MAP4K3: variants seen among roughly 807,000 people sequenced by gnomAD.
MAP4K3 encodes MAPK/ERK kinase kinase kinase 3.
A neutral mutation model predicts 143.5 loss-of-function variants in MAP4K3; 94 were observed. The observed-to-expected ratio is 0.65, with a 90% CI of 0.55 to 0.78. The LOEUF (loss-of-function observed/expected upper bound fraction) is 0.78, where lower values mean the gene tolerates loss of function less well. Among genes scored for constraint, MAP4K3 ranks in the 30% least tolerant of loss-of-function variants. The probability of loss-of-function intolerance (pLI) is 0.00; values close to 1 mark genes in which losing one functional copy is unlikely to be tolerated. For missense variants in MAP4K3, 1,077 were observed against 1,068.1 expected, an observed-to-expected ratio of 1.01 and a Z score of -0.12; for synonymous variants, 416 against 347.2, an observed-to-expected ratio of 1.20 and a Z score of -2.20.
At chr2:39,394,757 T>C (rs1324149844) in intron 1 of MAP4K3, among the ~76,000 whole-genome samples, 2 of 152,226 alleles carry the variant, frequency 1.3e-5, no homozygotes, top group East Asian at 1.9e-4. Flanking sequence ...ATAGGCAGAA[T>C]GTGGTTATGA....
chr2:39,291,385 A>G (rs1285491717), intron 18 of MAP4K3, among the ~76,000 whole-genome samples: 3 of 152,218 alleles, frequency 2.0e-5, no homozygotes, highest in Non-Finnish European at 4.4e-5. Flanking sequence ...ATCAACTGAA[A>G]GGTAAATAAT....
chr2:39,310,456 G>A (rs6718000), intron 13 of MAP4K3, among the ~76,000 whole-genome samples: 5 of 152,136 alleles, frequency 3.3e-5, no homozygotes, highest in Non-Finnish European at 1.5e-5. Flanking sequence ...ATATTCTGTT[G>A]TGTATATATA....
intron 4 of MAP4K3, among the ~76,000 whole-genome samples, chr2:39,340,313 C>G (rs955130006): frequency 1.3e-5 from 2 of 152,020 alleles, no homozygotes; most frequent in African/African-American, 4.8e-5. Flanking sequence ...CACATTGCCA[C>G]GAAAAGGTTA....
chr2:39,415,968 A>T (rs1667358048), intron 1 of MAP4K3, among the ~76,000 whole-genome samples: 1 of 43,134 alleles, frequency 2.3e-5, no homozygotes, highest in South Asian at 7.6e-4. Context: ...AAAAAAAAAA[A>T]AAAAAAAAAA....
At chr2:39,386,278 C>A (rs1214893387) in intron 1 of MAP4K3, among the ~76,000 whole-genome samples, 1 of 152,182 alleles carries the variant, frequency 6.6e-6, no homozygotes, top group Non-Finnish European at 1.5e-5. Flanking sequence ...CCTGCTGGCA[C>A]CTTAACTTTG....
rs373761369 is a variant in MAP4K3 at position 39,293,259 on chromosome 2, G to C, written c.1188C>G (p.Leu396=). The C allele has an allele frequency of 1.3e-6, 2 of 1,543,696 alleles. No homozygotes were observed. Among genetic ancestry groups the C allele is most frequent in the Non-Finnish European group, 1.8e-6 (2 of 1,140,224 alleles). The change falls in exon 17 of 34, where the codon CTC becomes CTG. Residue 396 remains leucine (L), a synonymous_variant. Transcript: ENST00000263881. Reference sequence around the variant, plus strand: ...GATGCAATTCTTCTTCAACAGACTTGAGAAGACTCCTTAAAAGAAAAAACA... The same window carrying C: ...GATGCAATTCTTCTTCAACAGACTTCAGAAGACTCCTTAAAAGAAAAAACA... ...GYFLGANKSL[L]KSVEEELHQR...
chr2:39,272,564 G>A (rs762273246), intron 24 of MAP4K3, 22 bp from the exon 25 acceptor site: 3 of 1,600,146 alleles, frequency 1.9e-6, no homozygotes, highest in Admixed American at 3.3e-5. Flanking sequence ...AAGGCACAAA[G>A]TTTACAAAGA....
rs146301156 is a variant in MAP4K3, at chr2:39,392,777, A to T, written c.97-14654T>A. Among the ~76,000 whole-genome samples, 280 of 152,276 alleles carry T rather than the reference A, an allele frequency of 1.8e-3. 2 individuals carry two copies. Among genetic ancestry groups the T allele is most frequent in the African/African-American group, 6.5e-3 (271 of 41,562 alleles). On this transcript the variant is annotated intron_variant, in intron 1 of 33. Transcript: ENST00000263881. ...TGAGACTGAGTTGGTTATAAAAGTG[A>T]GTTTGGCTCCCTTCTGCTCTCTTGA...
At chr2:39,262,003 T>C (rs1680587784) in intron 28 of MAP4K3, among the ~76,000 whole-genome samples, 1 of 151,812 alleles carries the variant, frequency 6.6e-6, no homozygotes, top group Non-Finnish European at 1.5e-5. Context: ...CTTCACAAAT[T>C]AAAAAAAATA....
At chr2:39,349,224 TATAA>T (rs1665381046) in intron 3 of MAP4K3, among the ~76,000 whole-genome samples, 3 of 152,350 alleles carry the variant, frequency 2.0e-5, no homozygotes, top group African/African-American at 7.2e-5. Flanking sequence ...GATGTTTTAA[TATAA>T]ATAACTTATT....
At chr2:39,300,451 T>G (rs964614863) in intron 15 of MAP4K3, among the ~76,000 whole-genome samples, 1 of 152,216 alleles carries the variant, frequency 6.6e-6, no homozygotes, top group African/African-American at 2.4e-5. Flanking sequence ...AATTAACATT[T>G]AAAAGGATGA....
intron 2 of MAP4K3, among the ~76,000 whole-genome samples, chr2:39,362,580 T>C (rs985085523): frequency 1.3e-5 from 2 of 152,214 alleles, no homozygotes; most frequent in African/African-American, 2.4e-5. Context: ...AGACATGCCA[T>C]GTTTATGGAC....
chr2:39,306,885 T>C (rs1421559811), intron 15 of MAP4K3, among the ~76,000 whole-genome samples: 1 of 152,176 alleles, frequency 6.6e-6, no homozygotes, highest in Non-Finnish European at 1.5e-5. Context: ...CAGTACCTAT[T>C]GTATGTTAGC....
intron 5 of MAP4K3, among the ~76,000 whole-genome samples, 190 bp downstream of exon 5, chr2:39,337,336 T>C (rs1378539032): frequency 6.6e-6 from 1 of 152,152 alleles, no homozygotes; most frequent in Non-Finnish European, 1.5e-5. Flanking sequence ...TATCATCACA[T>C]TTATGCTTTA....
intron 1 of MAP4K3, among the ~76,000 whole-genome samples, chr2:39,407,980 G>C (rs1572497867): frequency 6.6e-6 from 1 of 151,940 alleles, no homozygotes; most frequent in Non-Finnish European, 1.5e-5. Flanking sequence ...TGGCAGGAAA[G>C]GATAGGCTAA....
chr2:39,357,231 T>C (rs889350912), intron 2 of MAP4K3, among the ~76,000 whole-genome samples: 5 of 152,206 alleles, frequency 3.3e-5, no homozygotes, highest in Non-Finnish European at 7.3e-5. Flanking sequence ...TGAATGCAAA[T>C]GTGGTGAACC....
At chr2:39,389,644 GT>G (rs1480968464) in intron 1 of MAP4K3, among the ~76,000 whole-genome samples, 4 of 152,024 alleles carry the variant, frequency 2.6e-5, no homozygotes, top group Non-Finnish European at 1.5e-5. Context: ...CTGAAAAAAA[GT>G]TAAGTCAGTC....
chr2:39,334,015 C>T (rs1410228943), intron 6 of MAP4K3, among the ~76,000 whole-genome samples: 1 of 148,624 alleles, frequency 6.7e-6, no homozygotes. Context: ...AAAAGAACCT[C>T]CCTTTCTAGG....
Position 39,285,670 on chromosome 2 carries a change from G to A in MAP4K3, c.1587+1182C>T, listed in dbSNP as rs553328173. On this transcript the variant is annotated intron_variant, in intron 21 of 33. Transcript: ENST00000263881. ...ATATAGCACAAAAGACTCTAGTGAT[G>A]TGCTTACTGCAGAAACCATAGCATA... is the stretch of plus-strand genomic sequence containing the variant. Among the ~76,000 whole-genome samples, 7 of 152,292 alleles carry A rather than the reference G, an allele frequency of 4.6e-5. No individual in the cohort carries two copies. The South Asian group carries it at 1.2e-3, about 27-fold the overall frequency.
Sources: gnomAD v4.1 joint callset for allele counts (sites outside exome capture counted in the v4.1 genomes callset) on GRCh38, gnomAD v4.1.1 for gene constraint, MANE v1.5 for transcripts, NCBI Gene and HGNC (gene_info 2026-07-23, HGNC 2026-07-21) for gene names.